The following GABRG1 variants were observed in gnomAD, a reference collection of about 807,000 sequenced individuals.
GABRG1 encodes gamma-aminobutyric acid type A receptor subunit gamma1, also known as gamma-aminobutyric acid receptor subunit gamma-1.
In GABRG1, 49 loss-of-function variants were observed where a neutral mutation model predicts 49.8. The observed-to-expected ratio is 0.98, with a 90% CI of 0.78 to 1.25. The LOEUF (loss-of-function observed/expected upper bound fraction) is 1.25. Ranked by LOEUF, GABRG1 falls within the 50% of genes most tolerant of loss-of-function variation. The pLI, the probability that GABRG1 is intolerant of heterozygous loss-of-function variation, is 0.00. For missense variants in GABRG1, 552 were observed against 552.3 expected, an observed-to-expected ratio of 1.00 and a Z score of 0.01; for synonymous variants, 232 against 185.1, an observed-to-expected ratio of 1.25 and a Z score of -2.06.
rs984385008 is a variant in GABRG1 at position 46,036,649 on chromosome 4, C to G, written c.*4339G>C. On this transcript the variant is annotated 3_prime_UTR_variant, in exon 9 of 9. Transcript: ENST00000295452. ...TCTGCCACTTTTCTTTCTATTTGGG[C>G]CTATCATCCCCCATCTCCGCTGAAG... 2.6e-5 allele frequency: 4 copies of G among 151,828 alleles called. No individual in the cohort carries two copies. Among genetic ancestry groups the G allele is most frequent in the Non-Finnish European group, 4.4e-5 (3 of 67,860 alleles). 9.4% of individuals were successfully genotyped at this position (151,828 alleles called of 1,614,324 possible).
chr4:46,087,642 A>C (rs1719828855), intron 2 of GABRG1, among the ~76,000 whole-genome samples: 1 of 151,864 alleles, frequency 6.6e-6, no homozygotes, highest in Non-Finnish European at 1.5e-5. Context: ...TAAATGGTAG[A>C]GCTTATAAAC....
chr4:46,097,371 A>C, intron 1 of GABRG1, 22 bp from the exon 2 acceptor site: 1 of 1,593,614 alleles, frequency 6.3e-7, no homozygotes, highest in Non-Finnish European at 8.5e-7. Context: ...AAAGAAAAAA[A>C]TGGATGGTAG....
chr4:46,088,481 T>C (rs1456840303), intron 2 of GABRG1, among the ~76,000 whole-genome samples: 1 of 151,944 alleles, frequency 6.6e-6, no homozygotes. Flanking sequence ...TACACCATTT[T>C]AGATAGCCAT....
chr4:46,042,921 T>C (rs760311144), intron 8 of GABRG1, among the ~76,000 whole-genome samples: 9 of 151,944 alleles, frequency 5.9e-5, no homozygotes, highest in South Asian at 2.1e-4. Flanking sequence ...CAGTATCTTA[T>C]TAAATGTTAA....
In GABRG1 at chr4:46,116,678, G is replaced by C. The variant is rs377272653; in HGVS notation, c.104+7132C>G. ...AGACTATTCACTTCAAAAACTAAGA[G>C]AATACAAATAAGTGAATAGAAAAAG... On this transcript the variant is annotated intron_variant, in intron 1 of 8. Transcript: ENST00000295452. 1.5e-4 allele frequency among the ~76,000 whole-genome samples: 23 copies of C among 150,746 alleles called. No individual in the cohort carries two copies. The East Asian group carries it at 3.7e-3, about 24-fold the overall frequency.
At chr4:46,061,848 T>C (rs1373367581) in intron 5 of GABRG1, among the ~76,000 whole-genome samples, 2 of 150,380 alleles carry the variant, frequency 1.3e-5, no homozygotes, top group African/African-American at 4.9e-5. Context: ...TCTTTTGTTT[T>C]TATGTGGAAC....
At chr4:46,115,693 G>C (rs1300497098) in intron 1 of GABRG1, among the ~76,000 whole-genome samples, 4 of 150,786 alleles carry the variant, frequency 2.7e-5, no homozygotes, top group East Asian at 3.9e-4. Flanking sequence ...TCCTTGGTAG[G>C]ATTGAAGATA....
At chr4:46,070,931 T>C (rs1719094798) in intron 3 of GABRG1, among the ~76,000 whole-genome samples, 1 of 152,016 alleles carries the variant, frequency 6.6e-6, no homozygotes, top group Non-Finnish European at 1.5e-5. Flanking sequence ...AATAATACCT[T>C]CACAGCAACA....
In GABRG1 at chr4:46,038,932, C is replaced by T. The variant is rs1013678256; in HGVS notation, c.*2056G>A. On this transcript the variant is annotated 3_prime_UTR_variant, in exon 9 of 9. Coordinates refer to ENST00000295452, the MANE Select transcript of GABRG1 (RefSeq NM_173536.4). ...GCTATTTTTTTTCTTTTACATAGAA[C>T]GTGGTTCAGAAGGAAAAGCTATTTA... The T allele has an allele frequency of 4.6e-5, 7 of 151,348 alleles. No individual in the cohort carries two copies. Among genetic ancestry groups the T allele is most frequent in the Admixed American group, 6.6e-5 (1 of 15,166 alleles). The allele number at this position is 151,348 out of a possible 1,614,324, so 9.4% of individuals were successfully genotyped here.
At chr4:46,118,558 T>C (rs1331646523) in intron 1 of GABRG1, among the ~76,000 whole-genome samples, 2 of 151,120 alleles carry the variant, frequency 1.3e-5, no homozygotes, top group Non-Finnish European at 3.0e-5. Context: ...ATATAATATA[T>C]GTCTTATTTA....
chr4:46,048,790 C>A (rs981431817), intron 8 of GABRG1, among the ~76,000 whole-genome samples: 1 of 151,350 alleles, frequency 6.6e-6, no homozygotes, highest in East Asian at 2.0e-4. Flanking sequence ...GCAAGCTGGC[C>A]CATTTCATGT....
chr4:46,081,440 T>C (rs1719564073), intron 3 of GABRG1, among the ~76,000 whole-genome samples: 1 of 151,846 alleles, frequency 6.6e-6, no homozygotes, highest in African/African-American at 2.4e-5. Context: ...CAGTAATCAG[T>C]GCAGACAGCT....
chr4:46,072,662 T>C (rs1248551), intron 3 of GABRG1, among the ~76,000 whole-genome samples: 146,879 of 152,086 alleles, frequency 0.97, 71,014 homozygotes, highest in African/African-American at 0.99. Flanking sequence ...CTGTTTATTT[T>C]TCTGCACTTT....
chr4:46,051,644 G>A lies in GABRG1; in HGVS notation c.917-6C>T. 1 of 1,539,784 alleles carries A rather than the reference G, an allele frequency of 6.5e-7. No homozygotes were observed. ...AGTCAGAACTGTAGTGATACCTATA[G>A]AGAGAGGAAACAAAACAGGAAATGA... is the stretch of plus-strand genomic sequence containing the variant. On this transcript the variant is annotated splice_polypyrimidine_tract_variant and splice_region_variant and intron_variant, in intron 7 of 8. Transcript: ENST00000295452.
intron 1 of GABRG1, among the ~76,000 whole-genome samples, chr4:46,117,655 T>C (rs1720948160): frequency 6.9e-6 from 1 of 145,016 alleles, no homozygotes; most frequent in Non-Finnish European, 1.5e-5. Context: ...CATATATATG[T>C]ATATACGTAT....
At chr4:46,054,994 A>T (rs1718377573) in intron 7 of GABRG1, among the ~76,000 whole-genome samples, 1 of 95,662 alleles carries the variant, frequency 1.0e-5, no homozygotes, top group East Asian at 2.6e-4. Flanking sequence ...TTTGTCATAA[A>T]AACCCTAGAA....
At chr4:46,090,955 T>TACACACACAC (rs61288916) in intron 2 of GABRG1, among the ~76,000 whole-genome samples, 17 of 131,058 alleles carry the variant, frequency 1.3e-4, no homozygotes, top group Non-Finnish European at 2.5e-4. Context: ...CACACACACA[T>TACACACACAC]ACACACACAC....
At chr4:46,091,060 C>G (rs371947934) in intron 2 of GABRG1, among the ~76,000 whole-genome samples, 18 of 151,046 alleles carry the variant, frequency 1.2e-4, no homozygotes, top group African/African-American at 4.1e-4. Flanking sequence ...CTAAATTGTA[C>G]GTATGTGATG....
At chr4:46,119,033 G>A (rs540483767) in intron 1 of GABRG1, among the ~76,000 whole-genome samples, 1 of 151,158 alleles carries the variant, frequency 6.6e-6, no homozygotes, top group East Asian at 1.9e-4. Flanking sequence ...TTTAAAATAA[G>A]ATAACCATTC....
Sources: gnomAD v4.1 joint callset for allele counts (sites outside exome capture counted in the v4.1 genomes callset) on GRCh38, gnomAD v4.1.1 for gene constraint, MANE v1.5 for transcripts, NCBI Gene and HGNC (gene_info 2026-07-23, HGNC 2026-07-21) for gene names.